Variants in RAD54B observed in about 807,000 individuals in gnomAD.
RAD54B encodes the protein RAD54 homolog B, also known as DNA repair and recombination protein RAD54B.
RAD54B carries 78 observed loss-of-function variants against 95.8 expected under a neutral mutation model. The observed-to-expected ratio is 0.81, with a 90% CI of 0.68 to 0.98. The LOEUF is 0.98. Ranked by LOEUF, RAD54B falls within the 50% of genes least tolerant of loss-of-function variation. RAD54B has a pLI of 0.00. For missense variants in RAD54B, 957 were observed against 1,056.6 expected (o/e 0.91, Z 1.31); for synonymous variants, 328 against 354.9 (o/e 0.92, Z 0.85).
In RAD54B at chr8:94,408,402, T is replaced by C. The variant is rs149080656; in HGVS notation, c.500-682A>G. Among the ~76,000 whole-genome samples the C allele has an allele frequency of 8.3e-4, 126 of 152,302 alleles. No individual in the cohort carries two copies. In the East Asian group the frequency reaches 0.013, roughly 16 times the overall value. On this transcript the variant is annotated intron_variant, in intron 4 of 14. Transcript: ENST00000336148. ...TAACCACATAGATGGCATTTTAGAC[T>C]TCCATGCTTGTCTATTAAATGCATT... is the stretch of plus-strand genomic sequence containing the variant.
chr8:94,452,216 T>C (rs1812671741), intron 3 of RAD54B, among the ~76,000 whole-genome samples: 1 of 152,214 alleles, frequency 6.6e-6, no homozygotes, highest in African/African-American at 2.4e-5. Context: ...CTAATATTAA[T>C]ACCATCACAT....
At chr8:94,374,241 T>C (rs1469790219) in intron 14 of RAD54B, among the ~76,000 whole-genome samples, 1 of 151,214 alleles carries the variant, frequency 6.6e-6, no homozygotes, top group Non-Finnish European at 1.5e-5. Context: ...ATAGCGCCAC[T>C]GCACACTAGC....
At chr8:94,388,158 T>C (rs904403685) in intron 10 of RAD54B, among the ~76,000 whole-genome samples, 4 of 152,142 alleles carry the variant, frequency 2.6e-5, no homozygotes, top group African/African-American at 7.2e-5. Flanking sequence ...ACACATGGGT[T>C]TGAACTACGC....
At chr8:94,426,304 G>A (rs1586160083) in intron 3 of RAD54B, among the ~76,000 whole-genome samples, 1 of 151,694 alleles carries the variant, frequency 6.6e-6, no homozygotes, top group Non-Finnish European at 1.5e-5. Context: ...TGATGGAAGT[G>A]TAAAATGATA....
At chr8:94,455,344 T>C (rs1391872680) in intron 3 of RAD54B, among the ~76,000 whole-genome samples, 2 of 152,154 alleles carry the variant, frequency 1.3e-5, no homozygotes, top group Non-Finnish European at 2.9e-5. Context: ...TTTCTCAGGA[T>C]CTCTTTGTTC....
At position 94,378,207 on chromosome 8, in the gene RAD54B, C is replaced by A; in HGVS notation, c.2488G>T (p.Glu830Ter). ...GTATGAACTTCTTCTCCTGTACACT[C>A]ACAGTCAAGCAGATCATGAGTAACA... ...DCVTHDLLDCECTGEEVHTGD... is the reference protein window; with the variant it reads ...DCVTHDLLDC The change falls in exon 14 of 15, where the codon GAG becomes TAG. Residue 830 changes from glutamate (E) to a stop codon, truncating the protein, a stop_gained. Transcript: ENST00000336148. LOFTEE classifies it high-confidence loss of function. 1 of 1,611,792 alleles carries A rather than the reference C, an allele frequency of 6.2e-7. No homozygotes were observed. Among genetic ancestry groups the A allele is most frequent in the South Asian group, 1.1e-5 (1 of 90,714 alleles).
At position 94,407,570 on chromosome 8, in the gene RAD54B, A is replaced by G. The variant is rs769937741; in HGVS notation, c.650T>C (p.Ile217Thr). The change falls in exon 5 of 15, where the codon ATC (isoleucine) becomes ACC (threonine). Residue 217 changes from isoleucine (I) to threonine (T), a missense_variant. Coordinates refer to ENST00000336148, the MANE Select transcript of RAD54B (RefSeq NM_012415.3). ...CCTGGCAACCTGAGAAGAATGCGAG[A>G]TAGCAGTACTTCCTCCTCCAAGCTG... ...CFQLGGGSTA[I>T]SHSSQVARKC... is the part of the protein sequence containing the mutation. 9.3e-6 allele frequency: 15 copies of G among 1,614,078 alleles called. No individual in the cohort carries two copies. The South Asian group carries it at 1.3e-4, about 14-fold the overall frequency.
intron 2 of RAD54B, among the ~76,000 whole-genome samples, chr8:94,462,512 A>T (rs1238005516): frequency 6.6e-6 from 1 of 152,156 alleles, no homozygotes; most frequent in Non-Finnish European, 1.5e-5. Context: ...GCTATAATCC[A>T]TTAGTATATT....
chr8:94,426,150 A>C (rs895611165), intron 3 of RAD54B, among the ~76,000 whole-genome samples: 4 of 151,746 alleles, frequency 2.6e-5, no homozygotes, highest in African/African-American at 9.7e-5. Context: ...ACGGGGTTTC[A>C]CCATGGTGGC....
intron 3 of RAD54B, chr8:94,429,568 T>G (rs1812034557): frequency 1.0e-6 from 1 of 982,748 alleles, no homozygotes; most frequent in Non-Finnish European, 1.2e-6. Context: ...ATATGTGCTT[T>G]CAATAATTTC....
At chr8:94,401,192 G>A (rs1811258592) in intron 6 of RAD54B, among the ~76,000 whole-genome samples, 1 of 151,994 alleles carries the variant, frequency 6.6e-6, no homozygotes, top group Admixed American at 6.6e-5. Context: ...TGAACAAGAA[G>A]GGTTTGAACT....
intron 1 of RAD54B, among the ~76,000 whole-genome samples, chr8:94,470,576 CAA>C (rs1813145508): frequency 6.8e-6 from 1 of 146,054 alleles, no homozygotes; most frequent in Admixed American, 7.0e-5. Flanking sequence ...GCCTGGGAAA[CAA>C]GAGCGAAACT....
intron 11 of RAD54B, among the ~76,000 whole-genome samples, chr8:94,382,265 A>T (rs1810762622): frequency 6.6e-6 from 1 of 152,236 alleles, no homozygotes; most frequent in Admixed American, 6.5e-5. Context: ...AGAATGAATA[A>T]AAGTTGATCA....
intron 3 of RAD54B, chr8:94,431,991 G>T: frequency 7.7e-7 from 1 of 1,294,716 alleles, no homozygotes; most frequent in Non-Finnish European, 9.8e-7. Flanking sequence ...AAAATAATTA[G>T]AAAATTATAT....
chr8:94,424,599 T>C (rs1226399779), intron 3 of RAD54B, among the ~76,000 whole-genome samples: 1 of 152,190 alleles, frequency 6.6e-6, no homozygotes, highest in Non-Finnish European at 1.5e-5. Flanking sequence ...ACAGAAAATA[T>C]TGACTAATTT....
intron 3 of RAD54B, chr8:94,437,032 A>C (rs754099162): frequency 7.4e-7 from 1 of 1,351,866 alleles, no homozygotes; most frequent in Non-Finnish European, 9.6e-7. Flanking sequence ...GCTTAAGCTG[A>C]CGCAGGTTCA....
rs71273330 is a variant in RAD54B, at chr8:94,377,545, GAAA to G, written c.2515+632_2515+634del. Among the ~76,000 whole-genome samples the G allele has an allele frequency of 7.3e-3, 515 of 70,192 alleles. 5 individuals are homozygous for G. The highest frequency in any genetic ancestry group is 0.011 in the African/African-American group (154 of 13,848). The allele number at this position is 70,192 out of a possible 152,430, so 46.0% of individuals were successfully genotyped here. On this transcript the variant is annotated intron_variant, in intron 14 of 14. Transcript: ENST00000336148. The stretch of plus-strand genomic sequence containing the variant: ...AGCAACAGAGCCAGACCCTGTCTTG[GAAA>G]AAAAAAAAAAAAAAAAAAAAAAAAA...
chr8:94,432,642 T>C, intron 3 of RAD54B: 1 of 1,535,530 alleles, frequency 6.5e-7, no homozygotes, highest in Non-Finnish European at 8.8e-7. Context: ...CTGTGCCTCC[T>C]CATCCAAGTT....
chr8:94,433,430 T>C (rs181281326), intron 3 of RAD54B, among the ~76,000 whole-genome samples: 1 of 152,134 alleles, frequency 6.6e-6, no homozygotes, highest in African/African-American at 2.4e-5. Flanking sequence ...GCTCATTATG[T>C]GTTGAATGAC....
Sources: gnomAD v4.1 joint callset for allele counts (sites outside exome capture counted in the v4.1 genomes callset) on GRCh38, gnomAD v4.1.1 for gene constraint, MANE v1.5 for transcripts, NCBI Gene and HGNC (gene_info 2026-07-23, HGNC 2026-07-21) for gene names.